Variants in DSC2 observed in about 807,000 individuals in gnomAD.
DSC2 encodes the protein desmocollin 2.
DSC2 carries 51 observed loss-of-function variants against 87.6 expected under a neutral mutation model. The ratio of observed to expected loss-of-function variants is 0.58; its 90% CI spans 0.46 to 0.74. The LOEUF (loss-of-function observed/expected upper bound fraction) is 0.74. Among genes scored for constraint, DSC2 ranks in the 30% least tolerant of loss-of-function variants. DSC2 has a pLI of 0.00. For missense variants in DSC2, 1,066 were observed against 1,089.5 expected (o/e 0.98, Z 0.30); for synonymous variants, 383 against 393.2 (o/e 0.97, Z 0.31).
chr18:31,075,718 C>T (rs1161220010), intron 11 of DSC2, among the ~76,000 whole-genome samples: 1 of 152,070 alleles, frequency 6.6e-6, no homozygotes, highest in Admixed American at 6.5e-5. Flanking sequence ...GGCATGGTGG[C>T]ACATGCCTAT....
At chr18:31,076,490 GATTA>G (rs1987020806) in intron 11 of DSC2, among the ~76,000 whole-genome samples, 1 of 152,170 alleles carries the variant, frequency 6.6e-6, no homozygotes, top group Non-Finnish European at 1.5e-5. Context: ...CCAGTCAAAA[GATTA>G]ATTCATTCTA....
intron 1 of DSC2, chr18:31,101,653 G>A (rs1452276305): frequency 6.4e-6 from 3 of 471,146 alleles, no homozygotes; most frequent in Non-Finnish European, 1.1e-5. Context: ...GCCCGCTCCC[G>A]CCTCTCCTTG....
Position 31,101,999 on chromosome 18 carries a change from C to G in DSC2, c.-28G>C. On this transcript the variant is annotated 5_prime_UTR_variant, in exon 1 of 16. Transcript: ENST00000280904. ...AGAGGGCTCGGGGCAGGTCGCGGGC[C>G]GAGCGTCGGGCCGGGGTAGGAGGGC... The G allele has an allele frequency of 5.4e-6, 8 of 1,482,492 alleles. No homozygotes were observed. The highest frequency in any genetic ancestry group is 7.1e-6 in the Non-Finnish European group (8 of 1,120,202). 91.8% of individuals were successfully genotyped at this position (1,482,492 alleles called of 1,614,324 possible).
At position 31,086,642 on chromosome 18, in the gene DSC2, G is replaced by A; in HGVS notation, c.876C>T (p.Pro292=). 1 of 1,614,160 alleles carries A rather than the reference G, an allele frequency of 6.2e-7. No homozygotes were observed. Among genetic ancestry groups the A allele is most frequent in the Non-Finnish European group, 8.5e-7 (1 of 1,180,008 alleles). Residue 292 remains proline (P), a synonymous_variant, in exon 7 of 16, where the codon CCC becomes CCT. Transcript: ENST00000280904. The part of the protein sequence containing the change: ...YSIIGQVPPS[P]TLFSMHPTTG... ...TAGTTGGATGCATAGAAAATAGGGT[G>A]GGTGATGGTGGCACCTGCCCAATGA... is the stretch of plus-strand genomic sequence containing the variant.
chr18:31,098,922 G>A (rs984161619), intron 1 of DSC2, among the ~76,000 whole-genome samples: 5 of 152,144 alleles, frequency 3.3e-5, no homozygotes, highest in African/African-American at 1.2e-4. Context: ...TTTGAATGTA[G>A]AGTTCATGGA....
chr18:31,070,691 T>C (rs1395875113), intron 14 of DSC2, 35 bp downstream of exon 14: 3 of 1,612,422 alleles, frequency 1.9e-6, no homozygotes, highest in Non-Finnish European at 2.5e-6. Context: ...AGCGAATTCA[T>C]CCTTTGTATT....
chr18:31,070,795 T>C lies in DSC2; in HGVS notation c.2181A>G (p.Val727=). 1.2e-6 allele frequency: 2 copies of C among 1,614,008 alleles called. No individual in the cohort carries two copies. Among genetic ancestry groups the C allele is most frequent in the Non-Finnish European group, 1.7e-6 (2 of 1,179,914 alleles). The change falls in exon 14 of 16, where the codon GTA becomes GTG. Residue 727 remains valine (V), a synonymous_variant. Transcript: ENST00000280904. ...TCTGCTGGGCTAAATCATCAGGAATTACTTTTGGTTGTTTAGACGTCCCAG... is the reference window on the plus strand; with the variant it reads ...TCTGCTGGGCTAAATCATCAGGAATCACTTTTGGTTGTTTAGACGTCCCAG... The part of the protein sequence containing the change: ...GASGTSKQPK[V]IPDDLAQQNL...
rs1485939608 is a variant in DSC2 at position 31,079,870 on chromosome 18, ATAT to A, written c.1637_1639del (p.Asn546del). 3 of 1,613,928 alleles carry A rather than the reference ATAT, an allele frequency of 1.9e-6. No homozygotes were observed. Among genetic ancestry groups the A allele is most frequent in the Non-Finnish European group, 2.5e-6 (3 of 1,179,924 alleles). On this transcript the variant is annotated inframe_deletion, in exon 11 of 16. Transcript: ENST00000280904. ...ACCTTGGTCTGATGCAAGGACTGTA[ATAT>A]TATATATGCCATTTTTGATGGTCTC...
chr18:31,060,285 C>T lies in DSC2; in HGVS notation c.*7730G>A, dbSNP rs902009379. 5 of 84,876 alleles carry T rather than the reference C, an allele frequency of 5.9e-5. No individual in the cohort carries two copies. Among genetic ancestry groups the T allele is most frequent in the African/African-American group, 1.8e-4 (4 of 22,590 alleles). The allele number at this position is 84,876 out of a possible 1,614,324, so 5.3% of individuals were successfully genotyped here. ...TTACTTGATTTCATTGGTAATTCTG[C>T]ATCACATCTTGTGTATATTGACACC... On this transcript the variant is annotated 3_prime_UTR_variant, in exon 16 of 16. Coordinates refer to ENST00000280904, the MANE Select transcript of DSC2 (RefSeq NM_024422.6).
At chr18:31,083,580 A>C (rs1187513227) in intron 7 of DSC2, among the ~76,000 whole-genome samples, 3 of 152,204 alleles carry the variant, frequency 2.0e-5, no homozygotes, top group African/African-American at 7.2e-5. Context: ...CTCTTAAAAT[A>C]GTCTTTTAAC....
In DSC2 at chr18:31,065,628, TG is replaced by T. The variant is rs1290131762; in HGVS notation, c.*2386del. Reference sequence around the variant, plus strand: ...GACCTCCCAGGCAAGTGACTGCTAATGTCTAGCTGGACAGCTAGGGAAGAAG... The same window carrying T: ...GACCTCCCAGGCAAGTGACTGCTAATTCTAGCTGGACAGCTAGGGAAGAAG... On this transcript the variant is annotated 3_prime_UTR_variant, in exon 16 of 16. Transcript: ENST00000280904. 7.5e-4 allele frequency: 115 copies of T among 152,328 alleles called. No homozygotes were observed. The highest frequency in any genetic ancestry group is 2.4e-3 in the African/African-American group (101 of 41,572). The allele number at this position is 152,328 out of a possible 1,614,324, so 9.4% of individuals were successfully genotyped here.
chr18:31,070,145 T>C (rs1986775376), intron 14 of DSC2, among the ~76,000 whole-genome samples: 1 of 152,194 alleles, frequency 6.6e-6, no homozygotes, highest in Non-Finnish European at 1.5e-5. Context: ...TCTAAATCTT[T>C]CTTGCCCTAG....
At chr18:31,080,455 G>C in intron 9 of DSC2, 103 bp from the exon 10 acceptor site, 13 of 1,377,112 alleles carry the variant, frequency 9.4e-6, no homozygotes, top group Non-Finnish European at 6.0e-6. Context: ...TAAGTGTCAT[G>C]TTGGGAATAA....
intron 1 of DSC2, among the ~76,000 whole-genome samples, chr18:31,098,659 T>A (rs1987840593): frequency 6.6e-6 from 1 of 151,946 alleles, no homozygotes; most frequent in Non-Finnish European, 1.5e-5. Flanking sequence ...TTTGCCATGT[T>A]CCCCAGTCTG....
intron 14 of DSC2, among the ~76,000 whole-genome samples, chr18:31,070,300 A>G (rs2144787070): frequency 6.6e-6 from 1 of 152,346 alleles, no homozygotes; most frequent in Middle Eastern, 3.4e-3. Context: ...TATTAGAGCC[A>G]GAAAGAATCT....
intron 1 of DSC2, among the ~76,000 whole-genome samples, chr18:31,094,053 G>A (rs1369636896): frequency 6.6e-6 from 1 of 152,038 alleles, no homozygotes; most frequent in Admixed American, 6.6e-5. Flanking sequence ...TTACTATATT[G>A]TAAAACGTAT....
chr18:31,084,500 G>A (rs928389612), intron 7 of DSC2, among the ~76,000 whole-genome samples: 9 of 152,222 alleles, frequency 5.9e-5, no homozygotes, highest in Non-Finnish European at 1.2e-4. Flanking sequence ...GTAGGCAACT[G>A]AAGAAAACCG....
chr18:31,071,657 T>C lies in DSC2; in HGVS notation c.2073A>G (p.Gln691=), dbSNP rs776903280. The C allele has an allele frequency of 2.5e-6, 4 of 1,612,446 alleles. No individual in the cohort carries two copies. The highest frequency in any genetic ancestry group is 3.4e-6 in the Non-Finnish European group (4 of 1,179,202). ...TTGCAAGGATGGCCCACTTTCCAAG[T>C]TGTACTCCTCCACCGCCAATCCTTG... ...VDPRIGGGGV[Q]LGKWAILAIL... The change falls in exon 13 of 16, where the codon CAA becomes CAG. Residue 691 remains glutamine (Q), a synonymous_variant. Coordinates refer to ENST00000280904, the MANE Select transcript of DSC2 (RefSeq NM_024422.6).
intron 14 of DSC2, 74 bp from the exon 15 acceptor site, chr18:31,069,225 C>CGGATAATG (rs1986745576): frequency 6.3e-7 from 1 of 1,577,488 alleles, no homozygotes; most frequent in African/African-American, 1.3e-5. Context: ...CAACATCAAG[C>CGGATAATG]GGATAATGCC....
Sources: allele counts gnomAD v4.1 joint callset (sites outside exome capture counted in the v4.1 genomes callset), GRCh38; gene constraint gnomAD v4.1.1; transcripts MANE v1.5; gene names NCBI Gene and HGNC (gene_info 2026-07-23, HGNC 2026-07-21).